The following TNPO3 variants were observed in gnomAD, a reference collection of about 807,000 sequenced individuals.
The protein encoded by TNPO3 is transportin 3.
A neutral mutation model predicts 122.8 loss-of-function variants in TNPO3; 65 were observed. The observed-to-expected ratio is 0.53, with a 90% CI of 0.43 to 0.65. The LOEUF is 0.65. TNPO3 is among the 30% of genes least tolerant of loss of function. TNPO3 has a pLI of 0.00. For synonymous variants in TNPO3, 372 were observed against 411.2 expected (o/e 0.90, Z 1.15); for missense variants, 850 against 1,136.7 (o/e 0.75, Z 3.63).
At chr7:128,975,680 C>T in intron 17 of TNPO3, 139 bp downstream of exon 17, 1 of 620,500 alleles carries the variant, frequency 1.6e-6, no homozygotes. Context: ...GAAGCTTCCA[C>T]CTCCCTGTTA....
At chr7:128,999,836 C>T (rs1801737140) in intron 7 of TNPO3, among the ~76,000 whole-genome samples, 1 of 152,180 alleles carries the variant, frequency 6.6e-6, no homozygotes, top group Non-Finnish European at 1.5e-5. Context: ...TGGTCTCAAA[C>T]TCCTGACCTC....
At chr7:129,039,224 C>G (rs1434558815) in intron 1 of TNPO3, among the ~76,000 whole-genome samples, 5 of 152,048 alleles carry the variant, frequency 3.3e-5, no homozygotes, top group Non-Finnish European at 7.4e-5. Flanking sequence ...TAAAATGGTA[C>G]AGCCATTTTG....
intron 9 of TNPO3, among the ~76,000 whole-genome samples, chr7:128,992,754 C>T (rs2076960): frequency 0.065 from 9,824 of 150,850 alleles, 665 homozygotes; most frequent in African/African-American, 0.18. Context: ...TTCACAGAGC[C>T]TTTAATATAC....
intron 19 of TNPO3, 68 bp downstream of exon 19, chr7:128,972,358 C>G: frequency 6.5e-7 from 1 of 1,527,036 alleles, no homozygotes; most frequent in Non-Finnish European, 8.9e-7. Context: ...CTGGTTTTCT[C>G]CTAAGGAATG....
intron 9 of TNPO3, among the ~76,000 whole-genome samples, chr7:128,993,424 AAG>A (rs754911403): frequency 1.9e-4 from 29 of 152,314 alleles, no homozygotes; most frequent in Admixed American, 5.9e-4. Context: ...AAATAACTAC[AAG>A]AGTTACCAGG....
chr7:128,979,904 GTTACCCA>G lies in TNPO3; in HGVS notation c.1920+60_1920+66del, dbSNP rs1348922930. The G allele has an allele frequency of 4.9e-6, 7 of 1,438,166 alleles. No individual in the cohort carries two copies. The East Asian group carries it at 1.6e-4, about 33-fold the overall frequency. 89.1% of individuals were successfully genotyped at this position (1,438,166 alleles called of 1,614,324 possible). A position where few individuals can be genotyped will look rare whatever the true frequency, so the allele number is the denominator to read the frequency against. ...TGGAAGACAGTATCTTCTCAGGTGA[GTTACCCA>G]AAGCCCTGTAAGGAAAAAAGAAGCA... On this transcript the variant is annotated intron_variant, in intron 15 of 22. Coordinates refer to ENST00000265388, the MANE Select transcript of TNPO3 (RefSeq NM_012470.4).
intron 1 of TNPO3, among the ~76,000 whole-genome samples, chr7:129,040,417 G>C (rs1480381363): frequency 1.3e-5 from 2 of 152,154 alleles, no homozygotes; most frequent in African/African-American, 4.8e-5. Context: ...CTGTGGTGAT[G>C]TAAGTCAGAA....
intron 8 of TNPO3, 35 bp from the exon 9 acceptor site, chr7:128,993,949 C>G (rs1801024087): frequency 6.4e-7 from 1 of 1,566,604 alleles, no homozygotes; most frequent in South Asian, 1.1e-5. Context: ...CTGCTTTAAA[C>G]TCACTGCGGC....
chr7:128,981,053 TA>T (rs1398920765), intron 14 of TNPO3, among the ~76,000 whole-genome samples: 7 of 152,242 alleles, frequency 4.6e-5, no homozygotes, highest in African/African-American at 1.4e-4. Flanking sequence ...AACAGCAACT[TA>T]ATAAAAATTT....
intron 12 of TNPO3, 98 bp downstream of exon 12, chr7:128,986,631 A>C: frequency 1.8e-6 from 2 of 1,139,288 alleles, no homozygotes; most frequent in South Asian, 3.1e-5. Context: ...CTTAAACACT[A>C]AGTACATTGC....
intron 7 of TNPO3, among the ~76,000 whole-genome samples, chr7:129,000,093 T>G (rs1801766181): frequency 6.6e-6 from 1 of 152,042 alleles, no homozygotes. Flanking sequence ...TGTTAAGACT[T>G]GTGGAGGTAT....
At chr7:129,054,481 A>C (rs1450757248) in intron 1 of TNPO3, among the ~76,000 whole-genome samples, 170 bp downstream of exon 1, 2 of 152,182 alleles carry the variant, frequency 1.3e-5, no homozygotes, top group Admixed American at 6.5e-5. Context: ...AGGTGCGACT[A>C]GTTTCCCAAA....
intron 22 of TNPO3, 46 bp from the exon 23 acceptor site, chr7:128,955,431 G>A: frequency 2.3e-6 from 1 of 429,336 alleles, no homozygotes; most frequent in South Asian, 1.6e-5. Context: ...AGAAAATAGA[G>A]CATTTAGTAA....
At chr7:128,994,116 C>T (rs532182817) in intron 8 of TNPO3, among the ~76,000 whole-genome samples, 2 of 152,212 alleles carry the variant, frequency 1.3e-5, no homozygotes, top group South Asian at 4.1e-4. Context: ...TATTCTCTGC[C>T]TTTACCAGGA....
At chr7:128,974,449 C>CT (rs1798849427) in intron 18 of TNPO3, among the ~76,000 whole-genome samples, 1 of 151,574 alleles carries the variant, frequency 6.6e-6, no homozygotes, top group Admixed American at 6.6e-5. Context: ...GAGATAACTG[C>CT]TAAGGCATCT....
intron 12 of TNPO3, 80 bp from the exon 13 acceptor site, chr7:128,984,339 C>G: frequency 1.1e-6 from 1 of 882,270 alleles, no homozygotes; most frequent in Non-Finnish European, 1.8e-6. Context: ...TGTGAGTGAC[C>G]AGAAAAAGCG....
chr7:129,008,508 A>T (rs1584569249), intron 4 of TNPO3, among the ~76,000 whole-genome samples: 1 of 152,158 alleles, frequency 6.6e-6, no homozygotes, highest in East Asian at 1.9e-4. Context: ...CTCAGAAAGA[A>T]AATATTCAGG....
At position 128,972,407 on chromosome 7, in the gene TNPO3, G is replaced by C; in HGVS notation, c.2430+19C>G. 2 of 1,599,176 alleles carry C rather than the reference G, an allele frequency of 1.3e-6. No individual in the cohort carries two copies. The highest frequency in any genetic ancestry group is 2.2e-5 in the East Asian group (1 of 44,564). The stretch of plus-strand genomic sequence containing the variant: ...AGATAAAAGCTGTTAAGTAGAAATG[G>C]TATCATTTTTATACTTACATCATTG... On this transcript the variant is annotated intron_variant, in intron 19 of 22. Coordinates refer to ENST00000265388, the MANE Select transcript of TNPO3 (RefSeq NM_012470.4).
intron 1 of TNPO3, among the ~76,000 whole-genome samples, chr7:129,034,863 C>A (rs1398893617): frequency 1.4e-5 from 2 of 142,770 alleles, no homozygotes; most frequent in Non-Finnish European, 3.0e-5. Flanking sequence ...CCACTGCACT[C>A]CAGCCTGGGC....
Sources: gnomAD v4.1 joint callset for allele counts (sites outside exome capture counted in the v4.1 genomes callset) on GRCh38, gnomAD v4.1.1 for gene constraint, MANE v1.5 for transcripts, NCBI Gene and HGNC (gene_info 2026-07-23, HGNC 2026-07-21) for gene names.